The following KRT15 variants were observed in gnomAD, a reference collection of about 807,000 sequenced individuals.
KRT15 encodes keratin, type I cytoskeletal 15.
Under a neutral mutation model 46.6 loss-of-function variants are expected in KRT15, and 45 were observed. The observed-to-expected ratio is 0.97, with a 90% CI of 0.76 to 1.24. The LOEUF (loss-of-function observed/expected upper bound fraction) is 1.24, where lower values mean the gene tolerates loss of function less well. KRT15 is among the 50% of genes most tolerant of loss of function. The pLI is 0.00. For missense variants in KRT15, 592 were observed against 588.9 expected, an observed-to-expected ratio of 1.01 and a Z score of -0.05; for synonymous variants, 221 against 233.8, an observed-to-expected ratio of 0.95 and a Z score of 0.50.
Position 41,516,094 on chromosome 17 carries a change from T to G in KRT15, c.900+10A>C, listed in dbSNP as rs903357157. On this transcript the variant is annotated intron_variant, in intron 4 of 7. Transcript: ENST00000254043. ...GGGGCAGGAAGGGCAGGGCAGGATATAAGGCCCACCTTGCTGAAGAACCAG... is the reference window on the plus strand; with the variant it reads ...GGGGCAGGAAGGGCAGGGCAGGATAGAAGGCCCACCTTGCTGAAGAACCAG... 5 of 1,613,992 alleles carry G rather than the reference T, an allele frequency of 3.1e-6. No homozygotes were observed. The highest frequency in any genetic ancestry group is 3.3e-5 in the Admixed American group (2 of 60,006).
At position 41,518,539 on chromosome 17, in the gene KRT15, C is replaced by T. The variant is rs139430495; in HGVS notation, c.289G>A (p.Asp97Asn). The change falls in exon 1 of 8, where the codon GAT becomes AAT. Residue 97 changes from aspartate to asparagine, a missense_variant. Asp to Asn is a conservative substitution (Grantham distance 23). Coordinates refer to ENST00000254043, the MANE Select transcript of KRT15 (RefSeq NM_002275.4). ...GGFGGGFGGG[D>N]GGLLSGNEKI... ...TCATTGCCAGAGAGGAGACCACCAT[C>T]GCCACCACCAAAGCCACCACCAAAA... is the stretch of plus-strand genomic sequence containing the variant. 1.7e-4 allele frequency: 271 copies of T among 1,614,026 alleles called. No individual in the cohort carries two copies. The African/African-American group carries it at 2.4e-3, about 14-fold the overall frequency.
intron 7 of KRT15, 52 bp downstream of exon 7, chr17:41,514,597 G>C: frequency 1.3e-6 from 2 of 1,548,308 alleles, no homozygotes; most frequent in Non-Finnish European, 8.9e-7. Flanking sequence ...GGGGGTGGTG[G>C]CTTCAACATC....
At chr17:41,514,547 TG>T (rs1905267122) in intron 7 of KRT15, 101 bp downstream of exon 7, 1 of 1,090,854 alleles carries the variant, frequency 9.2e-7, no homozygotes, top group Non-Finnish European at 1.4e-6. Flanking sequence ...TCCCACCTAA[TG>T]GGATGTTTGG....
rs1401574080 is a variant in KRT15 at position 41,515,479 on chromosome 17, C to T, written c.1240G>A (p.Asp414Asn). ...CTGTGCCCAGGCGCCTACTTGGCAT[C>T]CTGGCCCTCGAGCAGGCTGCGGTAA... The part of the protein sequence containing the change: ...ATYRSLLEGQ[D>N]AKMAGIAIRE... Residue 414 changes from aspartate (D) to asparagine (N), a missense_variant, in exon 6 of 8, where the codon GAT (aspartate) becomes AAT (asparagine). Physicochemically the swap from Asp to Asn is conservative, Grantham distance 23 (BLOSUM62 1). Transcript: ENST00000254043. 6.2e-7 allele frequency: 1 copy of T among 1,613,208 alleles called. No homozygotes were observed. The highest frequency in any genetic ancestry group is 8.5e-7 in the Non-Finnish European group (1 of 1,180,004).
At position 41,518,484 on chromosome 17, in the gene KRT15, C is replaced by A. The variant is rs199506230; in HGVS notation, c.344G>T (p.Arg115Leu). Residue 115 changes from arginine (R) to leucine (L), a missense_variant, in exon 1 of 8, where the codon CGC (arginine) becomes CTC (leucine). By Grantham distance (102) the Arg-to-Leu change is moderately radical. Coordinates refer to ENST00000254043, the MANE Select transcript of KRT15 (RefSeq NM_002275.4). ...EKITMQNLND[R>L]LASYLDKVRA... ...TACCTTGTCCAGGTAGGAGGCCAGG[C>A]GGTCATTGAGGTTCTGCATGGTAAT... The A allele has an allele frequency of 2.5e-6, 4 of 1,613,878 alleles. No homozygotes were observed. The Admixed American group carries it at 6.7e-5, about 27-fold the overall frequency.
Position 41,514,809 on chromosome 17 carries a change from G to C in KRT15, c.1248-135C>G. ...ACCCACACATCTGACTCCTCTAGGGGTGGGACATCCTGCTAGCCCATCCAG... is the reference window on the plus strand; with the variant it reads ...ACCCACACATCTGACTCCTCTAGGGCTGGGACATCCTGCTAGCCCATCCAG... On this transcript the variant is annotated intron_variant, in intron 6 of 7. Coordinates refer to ENST00000254043, the MANE Select transcript of KRT15 (RefSeq NM_002275.4). The C allele has an allele frequency of 5.0e-6, 4 of 794,928 alleles. No homozygotes were observed. The Admixed American group carries it at 6.8e-5, about 13-fold the overall frequency. 49.2% of individuals were successfully genotyped at this position (794,928 alleles called of 1,614,324 possible).
chr17:41,515,483 G>A lies in KRT15; in HGVS notation c.1236C>T (p.Gly412=). 1 of 1,613,290 alleles carries A rather than the reference G, an allele frequency of 6.2e-7. No homozygotes were observed. The highest frequency in any genetic ancestry group is 1.1e-5 in the South Asian group (1 of 91,082). Residue 412 remains glycine (G), a synonymous_variant, in exon 6 of 8, where the codon GGC becomes GGT. Transcript: ENST00000254043. ...GCCCAGGCGCCTACTTGGCATCCTGGCCCTCGAGCAGGCTGCGGTAAGTAG... is the reference window on the plus strand; with the variant it reads ...GCCCAGGCGCCTACTTGGCATCCTGACCCTCGAGCAGGCTGCGGTAAGTAG... ...EIATYRSLLE[G]QDAKMAGIAI...
chr17:41,513,859 G>T lies in KRT15; in HGVS notation c.*164C>A. On this transcript the variant is annotated 3_prime_UTR_variant, in exon 8 of 8. Coordinates refer to ENST00000254043, the MANE Select transcript of KRT15 (RefSeq NM_002275.4). ...CAAAGAAGGTGGGGAGAGGCAGAGG[G>T]GGAATAGAGCGCATGCAAAGCCCTG... The T allele has an allele frequency of 1.6e-6, 1 of 636,552 alleles. No homozygotes were observed. Among genetic ancestry groups the T allele is most frequent in the Non-Finnish European group, 2.9e-6 (1 of 350,066 alleles). The allele number at this position is 636,552 out of a possible 1,614,324, so 39.4% of individuals were successfully genotyped here. A position where few individuals can be genotyped will look rare whatever the true frequency, so the allele number is the denominator to read the frequency against.
chr17:41,517,238 C>T, intron 1 of KRT15, 73 bp from the exon 2 acceptor site: 1 of 1,305,230 alleles, frequency 7.7e-7, no homozygotes, highest in Non-Finnish European at 1.1e-6. Flanking sequence ...CACCCAAGGC[C>T]AGCCCCTCAT....
At chr17:41,517,453 G>A in intron 1 of KRT15, 1 of 441,790 alleles carries the variant, frequency 2.3e-6, no homozygotes, top group East Asian at 4.8e-5. Flanking sequence ...GTGGGAATTG[G>A]TTGCCCAGGA....
In KRT15 at chr17:41,515,930, G is replaced by A; in HGVS notation, c.981C>T (p.Arg327=). ...TSKTEITDLR[R]TMQELEIELQ... Reference sequence around the variant, plus strand: ...GCTCGATCTCCAGCTCCTGCATCGTGCGTCTCAGGTCTGTGATCTCCGTCT... The same window carrying A: ...GCTCGATCTCCAGCTCCTGCATCGTACGTCTCAGGTCTGTGATCTCCGTCT... Residue 327 remains arginine (R), a synonymous_variant, in exon 5 of 8, where the codon CGC becomes CGT. Transcript: ENST00000254043. 6.2e-7 allele frequency: 1 copy of A among 1,614,162 alleles called. No homozygotes were observed. Among genetic ancestry groups the A allele is most frequent in the Non-Finnish European group, 8.5e-7 (1 of 1,180,014 alleles).
Position 41,518,763 on chromosome 17 carries a change from G to C in KRT15, c.65C>G (p.Ser22Cys), listed in dbSNP as rs1423698306. 6 of 1,586,000 alleles carry C rather than the reference G, an allele frequency of 3.8e-6. No individual in the cohort carries two copies. Among genetic ancestry groups the C allele is most frequent in the Non-Finnish European group, 5.1e-6 (6 of 1,167,772 alleles). ...TFGGGSTRGGSLLAGGGGFGG... is the reference protein window; with the variant it reads ...TFGGGSTRGGCLLAGGGGFGG... ...AAAGCCACCTCCCCCAGCCAGGAGGGAACCCCCTCGGGTTGAGCCACCCCC... is the reference window on the plus strand; with the variant it reads ...AAAGCCACCTCCCCCAGCCAGGAGGCAACCCCCTCGGGTTGAGCCACCCCC... Residue 22 changes from serine to cysteine, a missense_variant, in exon 1 of 8, where the codon TCC becomes TGC. Coordinates refer to ENST00000254043, the MANE Select transcript of KRT15 (RefSeq NM_002275.4).
In KRT15 at chr17:41,518,548, C is replaced by A. The variant is rs1905515425; in HGVS notation, c.280G>T (p.Gly94Cys). ...GAGAGGAGACCACCATCGCCACCAC[C>A]AAAGCCACCACCAAAACCCCCACCA... Reference protein sequence around the residue: ...GVGGGFGGGFGGGDGGLLSGN... With the variant: ...GVGGGFGGGFCGGDGGLLSGN... Residue 94 changes from glycine to cysteine, a missense_variant, in exon 1 of 8, where the codon GGT (glycine) becomes TGT (cysteine). By Grantham distance (159) the Gly-to-Cys change is radical (BLOSUM62 -3). Coordinates refer to ENST00000254043, the MANE Select transcript of KRT15 (RefSeq NM_002275.4). 2 of 1,613,922 alleles carry A rather than the reference C, an allele frequency of 1.2e-6. No individual in the cohort carries two copies. The highest frequency in any genetic ancestry group is 2.7e-5 in the African/African-American group (2 of 74,866).
intron 4 of KRT15, 27 bp from the exon 5 acceptor site, chr17:41,516,037 GC>G: frequency 1.9e-6 from 3 of 1,614,162 alleles, no homozygotes; most frequent in Non-Finnish European, 2.5e-6. Context: ...ACAGAAGTGA[GC>G]CCCGGGGCCT....
chr17:41,516,664 C>T, intron 3 of KRT15, 144 bp downstream of exon 3: 1 of 936,032 alleles, frequency 1.1e-6, no homozygotes, highest in South Asian at 1.6e-5. Flanking sequence ...AACAGCCCCA[C>T]TCTGCCTCCC....
rs370707321 is a variant in KRT15, at chr17:41,517,078, C to T, written c.581+5G>A. On this transcript the variant is annotated splice_donor_5th_base_variant and intron_variant, in intron 2 of 7. Coordinates refer to ENST00000254043, the MANE Select transcript of KRT15 (RefSeq NM_002275.4). Reference sequence around the variant, plus strand: ...CAGGAAGAGGAGAGAGACGGGGGAGCGCACTTGAGCCTGAAGTCGTCCGCA... The same window carrying T: ...CAGGAAGAGGAGAGAGACGGGGGAGTGCACTTGAGCCTGAAGTCGTCCGCA... 6.3e-5 allele frequency: 102 copies of T among 1,614,138 alleles called. No homozygotes were observed. The highest frequency in any genetic ancestry group is 1.6e-4 in the Middle Eastern group (1 of 6,062).
At position 41,518,360 on chromosome 17, in the gene KRT15, G is replaced by T; in HGVS notation, c.468C>A (p.Tyr156Ter). 6.2e-7 allele frequency: 1 copy of T among 1,613,950 alleles called. No individual in the cohort carries two copies. Among genetic ancestry groups the T allele is most frequent in the Non-Finnish European group, 8.5e-7 (1 of 1,179,910 alleles). The change falls in exon 1 of 8, where the codon TAC becomes TAA. Residue 156 changes from tyrosine (Y) to a stop codon, truncating the protein, a stop_gained. Coordinates refer to ENST00000254043, the MANE Select transcript of KRT15 (RefSeq NM_002275.4). LOFTEE classifies it high-confidence loss of function. ...PTSPECDYSQ[Y>*]FKTIEELRDK... is the part of the protein sequence containing the mutation. ...CCCGGAGCTCTTCAATGGTCTTGAA[G>T]TATTGGCTGTAGTCGCATTCTGGGC...
Position 41,518,533 on chromosome 17 carries a change from C to T in KRT15, c.295G>A (p.Gly99Ser), listed in dbSNP as rs1323679621. ...ATTTTCTCATTGCCAGAGAGGAGAC[C>T]ACCATCGCCACCACCAAAGCCACCA... ...FGGGFGGGDGGLLSGNEKITM... is the reference protein window; with the variant it reads ...FGGGFGGGDGSLLSGNEKITM... The change falls in exon 1 of 8, where the codon GGT (glycine) becomes AGT (serine). Residue 99 changes from glycine to serine, a missense_variant. Physicochemically the swap from Gly to Ser is moderately conservative, Grantham distance 56 (BLOSUM62 0). Transcript: ENST00000254043. 6.2e-7 allele frequency: 1 copy of T among 1,613,932 alleles called. No homozygotes were observed. The highest frequency in any genetic ancestry group is 1.3e-5 in the African/African-American group (1 of 74,866).
Position 41,516,791 on chromosome 17 carries a change from T to C in KRT15, c.738+17A>G, listed in dbSNP as rs765606353. ...CCACCTCTCTCGGGTTCAGGGGTGA[T>C]GGGGGCCAGCTCTCACCTCTTCGTG... On this transcript the variant is annotated intron_variant, in intron 3 of 7. Coordinates refer to ENST00000254043, the MANE Select transcript of KRT15 (RefSeq NM_002275.4). The C allele has an allele frequency of 1.2e-6, 2 of 1,613,716 alleles. No individual in the cohort carries two copies. Among genetic ancestry groups the C allele is most frequent in the Non-Finnish European group, 8.5e-7 (1 of 1,179,726 alleles).
Sources: gnomAD v4.1 joint callset for allele counts on GRCh38, gnomAD v4.1.1 for gene constraint, MANE v1.5 for transcripts, NCBI Gene and HGNC (gene_info 2026-07-23, HGNC 2026-07-21) for gene names.